The following CNTN4 variants were observed in gnomAD, a reference collection of about 807,000 sequenced individuals.
The protein encoded by CNTN4 is contactin-4.
A neutral mutation model predicts 122.5 loss-of-function variants in CNTN4; 77 were observed. The ratio of observed to expected loss-of-function variants is 0.63; its 90% CI spans 0.52 to 0.76. CNTN4 has a LOEUF of 0.76. Among genes scored for constraint, CNTN4 ranks in the 30% least tolerant of loss-of-function variants. The pLI, the probability that CNTN4 is intolerant of heterozygous loss-of-function variation, is 0.00. For synonymous variants in CNTN4, 512 were observed against 447.0 expected (o/e 1.15, Z -1.83); for missense variants, 1,256 against 1,259.1 (o/e 1.00, Z 0.04).
chr3:2,712,567 G>A (rs1241732766), intron 4 of CNTN4, among the ~76,000 whole-genome samples: 1 of 152,178 alleles, frequency 6.6e-6, no homozygotes, highest in Non-Finnish European at 1.5e-5. Context: ...AATAAACAGG[G>A]TGTAATGTTG....
At chr3:2,500,173 A>C (rs1356940152) in intron 3 of CNTN4, among the ~76,000 whole-genome samples, 1 of 152,078 alleles carries the variant, frequency 6.6e-6, no homozygotes, top group Non-Finnish European at 1.5e-5. Flanking sequence ...GTTTTATATT[A>C]ATTAGTATTT....
chr3:2,244,010 T>C (rs1266857156), intron 2 of CNTN4, among the ~76,000 whole-genome samples: 1 of 152,098 alleles, frequency 6.6e-6, no homozygotes, highest in Non-Finnish European at 1.5e-5. Flanking sequence ...AGTAACATGT[T>C]GATGAGTTGT....
chr3:2,725,366 G>T (rs2088151822), intron 4 of CNTN4, among the ~76,000 whole-genome samples: 1 of 152,242 alleles, frequency 6.6e-6, no homozygotes, highest in South Asian at 2.1e-4. Flanking sequence ...TTTGGGAAAG[G>T]CCACGGAATC....
rs1029646382 is a variant in CNTN4, at chr3:2,321,656, G to A, written c.-144-17522G>A. 2.0e-5 allele frequency among the ~76,000 whole-genome samples: 3 copies of A among 151,400 alleles called. No homozygotes were observed. The South Asian group carries it at 6.3e-4, about 32-fold the overall frequency. On this transcript the variant is annotated intron_variant, in intron 2 of 24. Coordinates refer to ENST00000418658, the MANE Select transcript of CNTN4 (RefSeq NM_175607.3). ...GTCTTGTCAAAGCCAGATTGTCTCG[G>A]AGGTCTTGATGTTAGACGACCTAGT... is the stretch of plus-strand genomic sequence containing the variant.
chr3:2,218,032 C>T (rs1398501978), intron 2 of CNTN4, among the ~76,000 whole-genome samples: 2 of 152,098 alleles, frequency 1.3e-5, no homozygotes, highest in African/African-American at 4.8e-5. Flanking sequence ...ATCATTTCCT[C>T]TGAGTTTCAC....
chr3:2,298,489 T>C (rs569397121), intron 2 of CNTN4, among the ~76,000 whole-genome samples: 8 of 152,284 alleles, frequency 5.3e-5, no homozygotes, highest in African/African-American at 1.9e-4. Context: ...TTGAAAAAAA[T>C]GGAATTTGAA....
At chr3:2,338,393 G>T (rs1387500312) in intron 2 of CNTN4, among the ~76,000 whole-genome samples, 2 of 151,844 alleles carry the variant, frequency 1.3e-5, no homozygotes, top group East Asian at 3.9e-4. Context: ...GAATAAGCCA[G>T]AGTAGAATAG....
intron 3 of CNTN4, among the ~76,000 whole-genome samples, chr3:2,456,582 C>T (rs926027925): frequency 1.3e-5 from 2 of 152,110 alleles, no homozygotes; most frequent in Non-Finnish European, 2.9e-5. Context: ...TTTGGATTTA[C>T]CTATTCTGGA....
At chr3:2,745,416 TCA>T (rs961412803) in intron 5 of CNTN4, 104 bp from the exon 6 acceptor site, 1 of 980,788 alleles carries the variant, frequency 1.0e-6, no homozygotes, top group Non-Finnish European at 1.6e-6. Flanking sequence ...TTTACAAAAG[TCA>T]CAAATGATTT....
intron 3 of CNTN4, among the ~76,000 whole-genome samples, chr3:2,372,757 T>G (rs1317399223): frequency 6.6e-6 from 1 of 151,070 alleles, no homozygotes; most frequent in Non-Finnish European, 1.5e-5. Flanking sequence ...CTGTAATAAA[T>G]TGTTTGACTT....
At chr3:2,743,738 A>G (rs936205283) in intron 5 of CNTN4, among the ~76,000 whole-genome samples, 3 of 152,238 alleles carry the variant, frequency 2.0e-5, no homozygotes, top group African/African-American at 7.2e-5. Context: ...ATCTACAGTA[A>G]AAGCAGCATT....
At chr3:2,964,988 A>T (rs1025248872) in intron 13 of CNTN4, among the ~76,000 whole-genome samples, 2 of 152,134 alleles carry the variant, frequency 1.3e-5, no homozygotes, top group Non-Finnish European at 1.5e-5. Context: ...TGAGAAAAAG[A>T]TCTTACCAGG....
intron 14 of CNTN4, among the ~76,000 whole-genome samples, chr3:3,002,589 A>G (rs1161857505): frequency 3.3e-5 from 5 of 152,186 alleles, no homozygotes; most frequent in African/African-American, 7.2e-5. Flanking sequence ...CAGTGAACTG[A>G]GGTCCTGTAC....
chr3:2,170,595 T>C (rs1313814118), intron 2 of CNTN4, among the ~76,000 whole-genome samples: 1 of 152,196 alleles, frequency 6.6e-6, no homozygotes, highest in African/African-American at 2.4e-5. Flanking sequence ...TTTACAGTTT[T>C]TCTGTTTTTG....
At chr3:2,875,531 G>T (rs2093833776) in intron 8 of CNTN4, among the ~76,000 whole-genome samples, 1 of 152,098 alleles carries the variant, frequency 6.6e-6, no homozygotes, top group South Asian at 2.1e-4. Flanking sequence ...TTGGCACACA[G>T]CCACTCCCAT....
chr3:2,935,266 C>G (rs1047782557), intron 13 of CNTN4, among the ~76,000 whole-genome samples: 4 of 152,038 alleles, frequency 2.6e-5, no homozygotes, highest in African/African-American at 9.7e-5. Flanking sequence ...TTATATAACT[C>G]AAGACATATA....
At chr3:2,761,849 C>A (rs1161614563) in intron 6 of CNTN4, among the ~76,000 whole-genome samples, 1 of 152,116 alleles carries the variant, frequency 6.6e-6, no homozygotes, top group Non-Finnish European at 1.5e-5. Flanking sequence ...ATTACTGATG[C>A]TGTCAAGAAC....
intron 14 of CNTN4, among the ~76,000 whole-genome samples, chr3:3,013,592 A>C (rs937465932): frequency 2.6e-5 from 4 of 152,230 alleles, no homozygotes; most frequent in Middle Eastern, 3.4e-3. Context: ...CTGCATGAAA[A>C]GTGCCCTCCG....
At chr3:2,176,441 G>T (rs1266429958) in intron 2 of CNTN4, among the ~76,000 whole-genome samples, 1 of 152,000 alleles carries the variant, frequency 6.6e-6, no homozygotes, top group Non-Finnish European at 1.5e-5. Context: ...ATATTATTAT[G>T]TATATTAGGA....
Sources: allele counts gnomAD v4.1 joint callset (sites outside exome capture counted in the v4.1 genomes callset), GRCh38; gene constraint gnomAD v4.1.1; transcripts MANE v1.5; gene names NCBI Gene and HGNC (gene_info 2026-07-23, HGNC 2026-07-21).